The following TAFA4 variants were observed in gnomAD, a reference collection of about 807,000 sequenced individuals.
The protein encoded by TAFA4 is chemokine-like protein TAFA-4.
In TAFA4, 20 loss-of-function variants were observed where a neutral mutation model predicts 21.1. The ratio of observed to expected loss-of-function variants is 0.95; its 90% CI spans 0.67 to 1.38. TAFA4 has a LOEUF of 1.38. Ranked by LOEUF, TAFA4 falls within the 40% of genes most tolerant of loss-of-function variation. The probability of loss-of-function intolerance (pLI) is 0.00; values close to 1 mark genes in which losing one functional copy is unlikely to be tolerated. For missense variants in TAFA4, 211 were observed against 180.9 expected, an observed-to-expected ratio of 1.17 and a Z score of -0.95; for synonymous variants, 71 against 67.4, an observed-to-expected ratio of 1.05 and a Z score of -0.26.
chr3:68,842,660 G>A (rs1364919373), intron 3 of TAFA4, among the ~76,000 whole-genome samples: 4 of 152,076 alleles, frequency 2.6e-5, no homozygotes, highest in African/African-American at 9.7e-5. Context: ...TTTCTTCTAG[G>A]GTTTTTACGG....
rs112812945 is a variant in TAFA4, at chr3:68,929,369, T to A, written c.-123+2871A>T. Among the ~76,000 whole-genome samples the A allele has an allele frequency of 8.1e-3, 1,235 of 152,338 alleles. 22 individuals carry two copies. The highest frequency in any genetic ancestry group is 0.028 in the African/African-American group (1,160 of 41,578). ...TGTTTCCTATTGCCTGAATCGTGAA[T>A]CTTGTTTCCTATGGCCTCAATCCCC... On this transcript the variant is annotated intron_variant, in intron 1 of 5. Coordinates refer to ENST00000295569, the MANE Select transcript of TAFA4 (RefSeq NM_182522.5).
intron 1 of TAFA4, among the ~76,000 whole-genome samples, chr3:68,913,255 T>G (rs2089975959): frequency 1.3e-5 from 2 of 151,614 alleles, no homozygotes; most frequent in African/African-American, 4.9e-5. Context: ...ATTTTCTTCC[T>G]TTTACAGAGG....
chr3:68,763,932 G>A (rs1702803039), intron 3 of TAFA4, among the ~76,000 whole-genome samples: 1 of 149,692 alleles, frequency 6.7e-6, no homozygotes, highest in Admixed American at 6.7e-5. Flanking sequence ...AGCTCCCTAA[G>A]AGTTAGTTGA....
chr3:68,835,919 A>G (rs1413228045), intron 3 of TAFA4, among the ~76,000 whole-genome samples: 1 of 152,192 alleles, frequency 6.6e-6, no homozygotes, highest in Non-Finnish European at 1.5e-5. Flanking sequence ...CTTTAAAATT[A>G]TGTGTGATGT....
chr3:68,845,818 C>A (rs1704776430), intron 3 of TAFA4, among the ~76,000 whole-genome samples: 1 of 152,022 alleles, frequency 6.6e-6, no homozygotes, highest in Non-Finnish European at 1.5e-5. Flanking sequence ...GTTGAAAATT[C>A]TTTTAAGGAT....
intron 3 of TAFA4, among the ~76,000 whole-genome samples, chr3:68,821,016 C>T (rs889167501): frequency 6.6e-6 from 1 of 152,170 alleles, no homozygotes; most frequent in Non-Finnish European, 1.5e-5. Context: ...CAAATACCCA[C>T]GGACTTAGTA....
chr3:68,874,473 C>T (rs1247826449), intron 3 of TAFA4, among the ~76,000 whole-genome samples: 1 of 152,070 alleles, frequency 6.6e-6, no homozygotes, highest in Non-Finnish European at 1.5e-5. Context: ...CAAATGATTC[C>T]AATTTCCTCG....
At chr3:68,815,306 G>C (rs1056216984) in intron 3 of TAFA4, among the ~76,000 whole-genome samples, 4 of 152,264 alleles carry the variant, frequency 2.6e-5, no homozygotes, top group Admixed American at 2.6e-4. Flanking sequence ...AGCCAAAATT[G>C]ACAAATGGGA....
chr3:68,921,145 C>G (rs1056212757), intron 1 of TAFA4, among the ~76,000 whole-genome samples: 8 of 152,046 alleles, frequency 5.3e-5, no homozygotes, highest in African/African-American at 1.9e-4. Flanking sequence ...CAAACCTAGT[C>G]GCACGCAACA....
intron 3 of TAFA4, among the ~76,000 whole-genome samples, chr3:68,829,859 T>C (rs1189504234): frequency 6.6e-6 from 1 of 152,208 alleles, no homozygotes; most frequent in Non-Finnish European, 1.5e-5. Flanking sequence ...TTGCCTCAAT[T>C]TCAGAGCCTG....
chr3:68,823,124 T>G (rs984542314), intron 3 of TAFA4, among the ~76,000 whole-genome samples: 4 of 152,162 alleles, frequency 2.6e-5, no homozygotes, highest in Non-Finnish European at 5.9e-5. Context: ...CTTTTCACAA[T>G]GCCCCTGCCC....
intron 3 of TAFA4, among the ~76,000 whole-genome samples, chr3:68,793,416 A>G (rs1381167276): frequency 2.6e-5 from 4 of 152,204 alleles, no homozygotes; most frequent in Non-Finnish European, 4.4e-5. Flanking sequence ...GTTTTGCAGC[A>G]AACTGCTTCA....
At chr3:68,800,512 T>A (rs145888215) in intron 3 of TAFA4, among the ~76,000 whole-genome samples, 3 of 152,278 alleles carry the variant, frequency 2.0e-5, no homozygotes, top group African/African-American at 7.2e-5. Flanking sequence ...TCGAAACAGA[T>A]AGAACCATGG....
At chr3:68,788,344 G>C (rs1203397163) in intron 3 of TAFA4, among the ~76,000 whole-genome samples, 1 of 152,142 alleles carries the variant, frequency 6.6e-6, no homozygotes, top group Non-Finnish European at 1.5e-5. Context: ...TCTTACCCCA[G>C]ATATCATCGG....
rs542732800 is a variant in TAFA4 at position 68,803,099 on chromosome 3, C to T, written c.131-50081G>A. ...TCTCTACTGAAAATGTCCTTCGTTG[C>T]CAAATTACAAACGTAGCTCATTTTC... On this transcript the variant is annotated intron_variant, in intron 3 of 5. Transcript: ENST00000295569. 3.1e-4 allele frequency among the ~76,000 whole-genome samples: 47 copies of T among 152,052 alleles called. 1 individual carries two copies. In the South Asian group the frequency reaches 9.8e-3, roughly 32 times the overall value.
intron 1 of TAFA4, among the ~76,000 whole-genome samples, chr3:68,915,062 G>C: frequency 6.6e-6 from 1 of 152,226 alleles, no homozygotes; most frequent in African/African-American, 2.4e-5. Flanking sequence ...TATAGAAAAA[G>C]TTTGTCAATC....
chr3:68,793,736 G>T (rs986709956), intron 3 of TAFA4, among the ~76,000 whole-genome samples: 1 of 152,146 alleles, frequency 6.6e-6, no homozygotes, highest in African/African-American at 2.4e-5. Context: ...TTTAAAAACT[G>T]CTTCATGCAT....
rs75564559 is a variant in TAFA4, at chr3:68,753,156, T to C, written c.131-138A>G. The C allele has an allele frequency of 6.2e-5, 48 of 772,230 alleles. No homozygotes were observed. The East Asian group carries it at 1.3e-3, about 21-fold the overall frequency. The allele number at this position is 772,230 out of a possible 1,614,324, so 47.8% of individuals were successfully genotyped here. The stretch of plus-strand genomic sequence containing the variant: ...GAGTCTTTGTAACATTTTATTTTGA[T>C]AACATATTATTTCAAATTTATATAA... On this transcript the variant is annotated intron_variant, in intron 3 of 5. Transcript: ENST00000295569.
intron 3 of TAFA4, among the ~76,000 whole-genome samples, chr3:68,845,199 G>A (rs753296774): frequency 6.6e-6 from 1 of 152,122 alleles, no homozygotes; most frequent in Non-Finnish European, 1.5e-5. Flanking sequence ...TGTTCCTGCA[G>A]TGGGTTCATA....
Sources: allele counts gnomAD v4.1 joint callset (sites outside exome capture counted in the v4.1 genomes callset), GRCh38; gene constraint gnomAD v4.1.1; transcripts MANE v1.5; gene names NCBI Gene and HGNC (gene_info 2026-07-23, HGNC 2026-07-21).